The following FSTL5 variants were observed in gnomAD, a reference collection of about 807,000 sequenced individuals.
The protein encoded by FSTL5 is follistatin like 5, also known as follistatin-related protein 5.
In FSTL5, 62 loss-of-function variants were observed where a neutral mutation model predicts 89.1. The observed-to-expected ratio is 0.70, with a 90% CI of 0.57 to 0.86. FSTL5 has a LOEUF of 0.86. Ranked by LOEUF, FSTL5 falls within the 40% of genes least tolerant of loss-of-function variation. The pLI is 0.00. For synonymous variants in FSTL5, 383 were observed against 346.2 expected (o/e 1.11, Z -1.18); for missense variants, 1,057 against 1,001.6 (o/e 1.06, Z -0.75).
At chr4:162,048,218 T>C (rs1325828481) in intron 2 of FSTL5, among the ~76,000 whole-genome samples, 1 of 151,790 alleles carries the variant, frequency 6.6e-6, no homozygotes, top group African/African-American at 2.4e-5. Context: ...TCTCAGCTAC[T>C]GGGGAGGCTG....
intron 6 of FSTL5, among the ~76,000 whole-genome samples, chr4:161,669,225 C>G (rs567520831): frequency 9.9e-5 from 15 of 152,090 alleles, no homozygotes; most frequent in African/African-American, 3.6e-4. Flanking sequence ...CAGTTTTTCT[C>G]CACTCCATCT....
intron 3 of FSTL5, among the ~76,000 whole-genome samples, chr4:161,931,499 G>A (rs1021265688): frequency 1.1e-4 from 17 of 151,810 alleles, no homozygotes; most frequent in African/African-American, 4.1e-4. Flanking sequence ...GAGAAGTGGA[G>A]GAAATTCTTG....
At chr4:161,912,444 G>C (rs1039285146) in intron 4 of FSTL5, among the ~76,000 whole-genome samples, 1 of 152,106 alleles carries the variant, frequency 6.6e-6, no homozygotes. Flanking sequence ...TCATGATAGT[G>C]AGTAAGTCTC....
At chr4:161,510,030 A>C (rs2126499283) in intron 11 of FSTL5, among the ~76,000 whole-genome samples, 1 of 152,252 alleles carries the variant, frequency 6.6e-6, no homozygotes, top group East Asian at 1.9e-4. Flanking sequence ...ATTTTAATAT[A>C]ATTTATTATA....
intron 6 of FSTL5, among the ~76,000 whole-genome samples, chr4:161,683,156 A>G (rs1737586291): frequency 6.6e-6 from 1 of 152,220 alleles, no homozygotes; most frequent in Non-Finnish European, 1.5e-5. Flanking sequence ...TATGTACTGT[A>G]CATAATTGTA....
chr4:162,140,681 A>G (rs1375223199), intron 1 of FSTL5, among the ~76,000 whole-genome samples: 4 of 152,164 alleles, frequency 2.6e-5, no homozygotes, highest in African/African-American at 9.6e-5. Flanking sequence ...AGAGATAAAA[A>G]AGCAAGGAGA....
intron 2 of FSTL5, among the ~76,000 whole-genome samples, chr4:162,047,846 C>G (rs545745463): frequency 3.6e-4 from 55 of 151,752 alleles, no homozygotes; most frequent in Non-Finnish European, 5.3e-4. Context: ...ACAACAAAAG[C>G]AAACAACAAC....
At position 161,656,218 on chromosome 4, in the gene FSTL5, TTC is replaced by T. The variant is rs373892686; in HGVS notation, c.894+108_894+109del. 1.9e-4 allele frequency: 99 copies of T among 516,050 alleles called. 2 individuals carry two copies. The highest frequency in any genetic ancestry group is 1.9e-3 in the East Asian group (58 of 30,278). 32.0% of individuals were successfully genotyped at this position (516,050 alleles called of 1,614,324 possible). On this transcript the variant is annotated intron_variant, in intron 7 of 15. Transcript: ENST00000306100. ...ATTAGATATAGCAATGTCCCAATAATTCTCTTTTACTCTGCATCCAATATTCA... is the reference window on the plus strand; with the variant it reads ...ATTAGATATAGCAATGTCCCAATAATTCTTTTACTCTGCATCCAATATTCA...
intron 4 of FSTL5, among the ~76,000 whole-genome samples, chr4:161,793,673 G>A (rs572511748): frequency 4.6e-5 from 7 of 151,054 alleles, no homozygotes; most frequent in Middle Eastern, 3.4e-3. Flanking sequence ...CAGTGGTGCC[G>A]TCTCAGCTCA....
chr4:161,598,792 C>A (rs1327395195), intron 7 of FSTL5, among the ~76,000 whole-genome samples: 3 of 151,864 alleles, frequency 2.0e-5, no homozygotes, highest in African/African-American at 7.3e-5. Context: ...ATAGAAAATT[C>A]TAAACTGGAC....
intron 3 of FSTL5, among the ~76,000 whole-genome samples, chr4:161,937,959 C>T (rs1241893714): frequency 7.3e-6 from 1 of 136,098 alleles, no homozygotes; most frequent in African/African-American, 2.5e-5. Flanking sequence ...GCAACATGTC[C>T]AGTTTCTTTG....
chr4:162,107,234 C>G (rs1356528215), intron 2 of FSTL5, among the ~76,000 whole-genome samples: 1 of 152,156 alleles, frequency 6.6e-6, no homozygotes, highest in Non-Finnish European at 1.5e-5. Context: ...GGCTTTCCAG[C>G]TGTGACATTA....
intron 15 of FSTL5, among the ~76,000 whole-genome samples, chr4:161,421,175 C>A (rs554269804): frequency 6.6e-6 from 1 of 152,036 alleles, no homozygotes; most frequent in East Asian, 2.0e-4. Context: ...CCCAACTCTA[C>A]TAAAAATACA....
intron 1 of FSTL5, among the ~76,000 whole-genome samples, chr4:162,153,797 GTA>G (rs201313114): frequency 3.5e-4 from 45 of 128,706 alleles, no homozygotes; most frequent in Non-Finnish European, 4.4e-4. Flanking sequence ...ATATGTATAT[GTA>G]TATATATATA....
chr4:161,791,752 T>A (rs1729484294), intron 4 of FSTL5, among the ~76,000 whole-genome samples: 1 of 152,204 alleles, frequency 6.6e-6, no homozygotes, highest in Non-Finnish European at 1.5e-5. Context: ...TTTCTGAGAA[T>A]GAGTGAAAAT....
At chr4:161,791,492 G>T (rs1029447458) in intron 4 of FSTL5, among the ~76,000 whole-genome samples, 1 of 152,120 alleles carries the variant, frequency 6.6e-6, no homozygotes, top group Non-Finnish European at 1.5e-5. Context: ...TATAATCTTT[G>T]TTACCACTAC....
chr4:161,639,827 G>A (rs1375098913), intron 7 of FSTL5, among the ~76,000 whole-genome samples: 1 of 152,144 alleles, frequency 6.6e-6, no homozygotes, highest in Non-Finnish European at 1.5e-5. Context: ...ACTCTGAATC[G>A]TGCTTCTGAT....
intron 7 of FSTL5, among the ~76,000 whole-genome samples, chr4:161,621,376 A>T (rs1735118643): frequency 6.6e-6 from 1 of 152,080 alleles, no homozygotes; most frequent in Non-Finnish European, 1.5e-5. Flanking sequence ...CTAAATAATC[A>T]TTGAAATATA....
intron 3 of FSTL5, among the ~76,000 whole-genome samples, chr4:161,977,631 AAAAAAAAAAAT>A (rs1292639566): frequency 1.6e-5 from 2 of 125,572 alleles, no homozygotes; most frequent in African/African-American, 5.9e-5. Context: ...AAAAAAAAAA[AAAAAAAAAAAT>A]AATAATAATA....
Sources: allele counts gnomAD v4.1 joint callset (sites outside exome capture counted in the v4.1 genomes callset), GRCh38; gene constraint gnomAD v4.1.1; transcripts MANE v1.5; gene names NCBI Gene and HGNC (gene_info 2026-07-23, HGNC 2026-07-21).